The following CDH13 variants were observed in gnomAD, a reference collection of about 807,000 sequenced individuals.
CDH13 encodes cadherin-13.
In CDH13, 24 loss-of-function variants were observed where a neutral mutation model predicts 63.8. The observed-to-expected ratio is 0.38, with a 90% CI of 0.27 to 0.53. The LOEUF is 0.53. Ranked by LOEUF, CDH13 falls within the 20% of genes least tolerant of loss-of-function variation. The pLI is 0.85. For missense variants in CDH13, 1,049 were observed against 903.1 expected, an observed-to-expected ratio of 1.16 and a Z score of -2.07; for synonymous variants, 503 against 355.3, an observed-to-expected ratio of 1.42 and a Z score of -4.67.
At chr16:83,244,512 A>T (rs2151818118) in intron 5 of CDH13, among the ~76,000 whole-genome samples, 1 of 152,296 alleles carries the variant, frequency 6.6e-6, no homozygotes, top group Admixed American at 6.5e-5. Flanking sequence ...TGTGCCACTG[A>T]TCAGTGTTTC....
intron 1 of CDH13, among the ~76,000 whole-genome samples, chr16:82,760,238 G>T (rs1162236761): frequency 6.6e-6 from 1 of 152,136 alleles, no homozygotes; most frequent in Non-Finnish European, 1.5e-5. Flanking sequence ...TACTGAGGGG[G>T]TAGAAGGAAC....
At position 82,717,960 on chromosome 16, in the gene CDH13, C is replaced by A. The variant is rs16958342; in HGVS notation, c.45+90823C>A. ...GAAAATAAGATACTACTGCGAATGT[C>A]ACCCAATGAGACCTGACCCATTCTG... On this transcript the variant is annotated intron_variant, in intron 1 of 13. Coordinates refer to ENST00000567109, the MANE Select transcript of CDH13 (RefSeq NM_001257.5). Among the ~76,000 whole-genome samples the A allele has an allele frequency of 4.4e-3, 671 of 152,278 alleles. 5 individuals are homozygous for A. Among genetic ancestry groups the A allele is most frequent in the African/African-American group, 0.015 (641 of 41,564 alleles).
At chr16:82,807,540 C>T (rs780367198) in intron 1 of CDH13, among the ~76,000 whole-genome samples, 2 of 147,790 alleles carry the variant, frequency 1.4e-5, no homozygotes, top group Admixed American at 1.4e-4. Context: ...AAGAGCAAAA[C>T]CATCTGGGTA....
intron 1 of CDH13, among the ~76,000 whole-genome samples, chr16:82,846,022 A>G (rs1286959203): frequency 6.6e-6 from 1 of 152,232 alleles, no homozygotes; most frequent in East Asian, 1.9e-4. Flanking sequence ...GTTTTATCCA[A>G]ACTGAAGGAG....
At chr16:83,289,743 A>C (rs2089419608) in intron 5 of CDH13, among the ~76,000 whole-genome samples, 1 of 152,124 alleles carries the variant, frequency 6.6e-6, no homozygotes, top group Non-Finnish European at 1.5e-5. Context: ...CAGTTTTCTC[A>C]CTTTGAAATG....
intron 5 of CDH13, among the ~76,000 whole-genome samples, chr16:83,223,299 C>T (rs1039598514): frequency 6.6e-6 from 1 of 152,196 alleles, no homozygotes; most frequent in Non-Finnish European, 1.5e-5. Flanking sequence ...AGGCTGAATT[C>T]TCATATGGCA....
chr16:83,672,330 C>G (rs1461916010), intron 9 of CDH13, among the ~76,000 whole-genome samples: 1 of 149,128 alleles, frequency 6.7e-6, no homozygotes, highest in Non-Finnish European at 1.5e-5. Flanking sequence ...CTAGTGAGGA[C>G]CCACTTTTTG....
chr16:82,922,776 T>C (rs146495449), intron 2 of CDH13, among the ~76,000 whole-genome samples: 347 of 152,312 alleles, frequency 2.3e-3, no homozygotes, highest in Non-Finnish European at 3.5e-3. Flanking sequence ...AAAATCTCTT[T>C]GGTGAGCCAC....
At chr16:83,429,061 G>C (rs1383911172) in intron 6 of CDH13, among the ~76,000 whole-genome samples, 1 of 152,236 alleles carries the variant, frequency 6.6e-6, no homozygotes, top group Non-Finnish European at 1.5e-5. Context: ...AAGGAAGAAA[G>C]AGGAAAGCCT....
At chr16:83,353,843 G>A (rs972297092) in intron 6 of CDH13, among the ~76,000 whole-genome samples, 4 of 152,076 alleles carry the variant, frequency 2.6e-5, no homozygotes, top group African/African-American at 7.2e-5. Flanking sequence ...TTACTTCCTT[G>A]TAAAAATAAA....
chr16:83,316,819 A>C (rs1177721489), intron 5 of CDH13, among the ~76,000 whole-genome samples: 1 of 152,142 alleles, frequency 6.6e-6, no homozygotes, highest in Non-Finnish European at 1.5e-5. Flanking sequence ...CTGGCCTAAA[A>C]CAACAGATAT....
chr16:82,637,241 C>G (rs1908763610), intron 1 of CDH13, among the ~76,000 whole-genome samples: 1 of 152,120 alleles, frequency 6.6e-6, no homozygotes, highest in Admixed American at 6.6e-5. Flanking sequence ...TGCAGTTCTG[C>G]ATGTTTTTGC....
chr16:83,532,718 T>G (rs1055488126), intron 7 of CDH13, among the ~76,000 whole-genome samples: 1 of 152,238 alleles, frequency 6.6e-6, no homozygotes, highest in Non-Finnish European at 1.5e-5. Flanking sequence ...CAAGCAATCA[T>G]TGGCCATCTG....
chr16:83,451,947 C>G (rs1030711365), intron 6 of CDH13, among the ~76,000 whole-genome samples: 6 of 152,126 alleles, frequency 3.9e-5, no homozygotes, highest in African/African-American at 1.4e-4. Flanking sequence ...GGACCCAGCT[C>G]AGGGATTTTG....
chr16:82,727,391 T>G (rs755617981), intron 1 of CDH13: 3 of 152,194 alleles, frequency 2.0e-5, no homozygotes, highest in African/African-American at 4.8e-5. Flanking sequence ...AAATTTCAGC[T>G]TAAATCACAA....
At chr16:83,255,676 C>G (rs959500895) in intron 5 of CDH13, among the ~76,000 whole-genome samples, 1 of 152,060 alleles carries the variant, frequency 6.6e-6, no homozygotes, top group Non-Finnish European at 1.5e-5. Context: ...AGGATAAATA[C>G]GGAATTCTAG....
chr16:83,462,437 G>A (rs920714023), intron 6 of CDH13, among the ~76,000 whole-genome samples: 3 of 152,224 alleles, frequency 2.0e-5, no homozygotes, highest in Non-Finnish European at 2.9e-5. Flanking sequence ...GCTTACTATT[G>A]CAGAAGGTGG....
chr16:83,706,007 C>T (rs937877974), intron 10 of CDH13, among the ~76,000 whole-genome samples: 2 of 152,120 alleles, frequency 1.3e-5, no homozygotes, highest in Non-Finnish European at 2.9e-5. Flanking sequence ...ACATCGTTTT[C>T]GTGTCTCTGT....
At chr16:83,056,604 T>C (rs912936850) in intron 3 of CDH13, among the ~76,000 whole-genome samples, 2 of 152,216 alleles carry the variant, frequency 1.3e-5, no homozygotes, top group Non-Finnish European at 2.9e-5. Context: ...CTAATCTCTG[T>C]TGAGCTATAG....
Sources: allele counts gnomAD v4.1 joint callset (sites outside exome capture counted in the v4.1 genomes callset), GRCh38; gene constraint gnomAD v4.1.1; transcripts MANE v1.5; gene names NCBI Gene and HGNC (gene_info 2026-07-23, HGNC 2026-07-21).